The following PGAP1 variants were observed in gnomAD, a reference collection of about 807,000 sequenced individuals.
PGAP1 encodes the protein post-GPI attachment to proteins inositol deacylase 1.
Under a neutral mutation model 127.0 loss-of-function variants are expected in PGAP1, and 76 were observed. The ratio of observed to expected loss-of-function variants is 0.60; its 90% CI spans 0.50 to 0.72. PGAP1 has a LOEUF of 0.72. Among genes scored for constraint, PGAP1 ranks in the 30% least tolerant of loss-of-function variants. The pLI is 0.00. For missense variants in PGAP1, 982 were observed against 1,071.3 expected (o/e 0.92, Z 1.16); for synonymous variants, 362 against 366.5 (o/e 0.99, Z 0.14).
At chr2:196,855,970 G>A (rs1481898795) in intron 20 of PGAP1, among the ~76,000 whole-genome samples, 1 of 152,108 alleles carries the variant, frequency 6.6e-6, no homozygotes, top group African/African-American at 2.4e-5. Flanking sequence ...GGAACCTTAA[G>A]ACCTTAAAAA....
chr2:196,857,074 G>C (rs193045537), intron 20 of PGAP1, among the ~76,000 whole-genome samples: 1 of 152,180 alleles, frequency 6.6e-6, no homozygotes, highest in East Asian at 1.9e-4. Flanking sequence ...AGAAATAAAG[G>C]GCATCGAAAT....
rs1703017919 is a variant in PGAP1 at position 196,916,595 on chromosome 2, T to C, written c.302-2A>G. On this transcript the variant is annotated splice_acceptor_variant, in intron 2 of 26. Transcript: ENST00000354764. LOFTEE classifies it high-confidence loss of function. ...GTGCAATGGAGCCAATAGAACGAAC[T>C]GCAGAGGAAAAGAGTGAAGTGCACA... is the stretch of plus-strand genomic sequence containing the variant. 6.3e-7 allele frequency: 1 copy of C among 1,599,914 alleles called. No homozygotes were observed. The highest frequency in any genetic ancestry group is 1.3e-5 in the African/African-American group (1 of 74,192).
Position 196,865,029 on chromosome 2 carries a change from G to A in PGAP1, c.1819C>T (p.Leu607Phe). The A allele has an allele frequency of 6.4e-7, 1 of 1,570,326 alleles. No individual in the cohort carries two copies. The highest frequency in any genetic ancestry group is 8.6e-7 in the Non-Finnish European group (1 of 1,166,428). ...TATAACTGTCCTCTATAAGCAAGAA[G>A]GATATTAGATACGACATAAGCAGGA... ...ALPAYVVSNI[L>F]LAYRGQLYSL... The change falls in exon 20 of 27, where the codon CTT becomes TTT. Residue 607 changes from leucine to phenylalanine, a missense_variant. Coordinates refer to ENST00000354764, the MANE Select transcript of PGAP1 (RefSeq NM_024989.4).
chr2:196,895,692 C>T (rs993047247), intron 7 of PGAP1, among the ~76,000 whole-genome samples: 2 of 152,144 alleles, frequency 1.3e-5, no homozygotes, highest in African/African-American at 2.4e-5. Flanking sequence ...AGTGGTTACA[C>T]AGCTTTCTGA....
intron 5 of PGAP1, among the ~76,000 whole-genome samples, chr2:196,901,621 T>C (rs947387826): frequency 6.6e-6 from 1 of 152,192 alleles, no homozygotes; most frequent in African/African-American, 2.4e-5. Context: ...TAAATACACA[T>C]GAAAGAAGTC....
At chr2:196,855,718 C>T (rs1215243939) in intron 20 of PGAP1, among the ~76,000 whole-genome samples, 1 of 152,064 alleles carries the variant, frequency 6.6e-6, no homozygotes, top group East Asian at 1.9e-4. Context: ...CTACTTGGCT[C>T]CTACAAAATT....
chr2:196,905,642 G>A (rs1035071534), intron 4 of PGAP1, among the ~76,000 whole-genome samples: 6 of 151,998 alleles, frequency 3.9e-5, no homozygotes, highest in South Asian at 2.1e-4. Context: ...AGCTCCCAGC[G>A]TGAGCGACGC....
rs538506875 is a variant in PGAP1, at chr2:196,842,930, T to C, written c.2526-105A>G. On this transcript the variant is annotated intron_variant, in intron 25 of 26. Transcript: ENST00000354764. ...TGTTAAAGACATTCCAGTAGCAATATGGATATAAGAGAGCTCTAAATAGTT... is the reference window on the plus strand; with the variant it reads ...TGTTAAAGACATTCCAGTAGCAATACGGATATAAGAGAGCTCTAAATAGTT... The C allele has an allele frequency of 1.0e-4, 49 of 485,448 alleles. 2 individuals carry two copies. Among genetic ancestry groups the C allele is most frequent in the Middle Eastern group, 1.2e-3 (2 of 1,734 alleles). The allele number at this position is 485,448 out of a possible 1,614,324, so 30.1% of individuals were successfully genotyped here.
intron 17 of PGAP1, 60 bp downstream of exon 17, chr2:196,872,900 A>G: frequency 1.5e-6 from 1 of 683,618 alleles, no homozygotes; most frequent in East Asian, 2.8e-5. Flanking sequence ...AAATAAACTA[A>G]GCAGAATATC....
rs959356237 is a variant in PGAP1, at chr2:196,838,771, G to C, written c.*2463C>G. On this transcript the variant is annotated 3_prime_UTR_variant, in exon 27 of 27. Transcript: ENST00000354764. ...TTAAAAAGTAAATGTACGGCTGGGC[G>C]TGGTGGCTCACGCCTGTAATCCCAG... The C allele has an allele frequency of 6.6e-6, 1 of 152,218 alleles. No homozygotes were observed. Among genetic ancestry groups the C allele is most frequent in the Admixed American group, 6.5e-5 (1 of 15,278 alleles). The allele number at this position is 152,218 out of a possible 1,614,324, so 9.4% of individuals were successfully genotyped here. A position where few individuals can be genotyped will look rare whatever the true frequency, so the allele number is the denominator to read the frequency against.
chr2:196,887,423 A>G (rs1318124584), intron 10 of PGAP1, among the ~76,000 whole-genome samples: 1 of 152,090 alleles, frequency 6.6e-6, no homozygotes, highest in Non-Finnish European at 1.5e-5. Flanking sequence ...AACAAACAAA[A>G]ACAGCAGTGT....
chr2:196,885,972 A>C, intron 10 of PGAP1, 92 bp from the exon 11 acceptor site: 1 of 787,460 alleles, frequency 1.3e-6, no homozygotes, highest in Non-Finnish European at 1.8e-6. Context: ...TTTTATTGTT[A>C]TATGATATAG....
intron 1 of PGAP1, 57 bp from the exon 2 acceptor site, chr2:196,920,207 T>TCA (rs1484811606): frequency 6.8e-7 from 1 of 1,472,878 alleles, no homozygotes; most frequent in African/African-American, 1.4e-5. Context: ...CAATTCAGCC[T>TCA]CACCATATGC....
At chr2:196,845,023 G>A (rs189422746) in intron 23 of PGAP1, among the ~76,000 whole-genome samples, 40 of 151,980 alleles carry the variant, frequency 2.6e-4, no homozygotes, top group African/African-American at 8.9e-4. Flanking sequence ...ATATACAGTG[G>A]TGAAATGTTT....
At chr2:196,847,876 C>A in intron 21 of PGAP1, 71 bp downstream of exon 21, 4 of 1,136,468 alleles carry the variant, frequency 3.5e-6, no homozygotes, top group South Asian at 2.0e-5. Flanking sequence ...ATTTATATTG[C>A]ATTATGGAAC....
intron 20 of PGAP1, among the ~76,000 whole-genome samples, chr2:196,857,447 C>G (rs186728816): frequency 1.2e-4 from 18 of 152,302 alleles, no homozygotes; most frequent in African/African-American, 3.6e-4. Context: ...ACACTGACTC[C>G]TAGTCACCAA....
Position 196,875,759 on chromosome 2 carries a change from A to G in PGAP1, c.1413T>C (p.His471=). ...CAAAGTACTTACCAAAGGAAAAAAG[A>G]TGAGTTACAGGAAGCTGTATGTATC... The part of the protein sequence containing the change: ...EKRYIQLPVT[H]LFSFGLSSRK... The change falls in exon 14 of 27, where the codon CAT becomes CAC. Residue 471 remains histidine, a synonymous_variant. Transcript: ENST00000354764. 1 of 1,539,260 alleles carries G rather than the reference A, an allele frequency of 6.5e-7. No homozygotes were observed. Among genetic ancestry groups the G allele is most frequent in the Non-Finnish European group, 9.0e-7 (1 of 1,117,082 alleles).
chr2:196,890,984 T>G, intron 9 of PGAP1, 73 bp from the exon 10 acceptor site: 3 of 747,154 alleles, frequency 4.0e-6, no homozygotes, highest in Non-Finnish European at 7.1e-6. Flanking sequence ...AATCCAGATA[T>G]AGCAAATGAG....
At chr2:196,888,593 G>T (rs1391311806) in intron 10 of PGAP1, among the ~76,000 whole-genome samples, 3 of 151,442 alleles carry the variant, frequency 2.0e-5, no homozygotes, top group African/African-American at 7.3e-5. Context: ...TGTAAAACAT[G>T]TAATACATTT....
Sources: gnomAD v4.1 joint callset for allele counts (sites outside exome capture counted in the v4.1 genomes callset) on GRCh38, gnomAD v4.1.1 for gene constraint, MANE v1.5 for transcripts, NCBI Gene and HGNC (gene_info 2026-07-23, HGNC 2026-07-21) for gene names.